ACTR1B: variants seen among roughly 807,000 people sequenced by gnomAD.
ACTR1B encodes beta-centractin.
In ACTR1B, 34 loss-of-function variants were observed where a neutral mutation model predicts 49.4. That is an observed-to-expected ratio of 0.69 (90% CI 0.52 to 0.92). The LOEUF is 0.92. ACTR1B is among the 40% of genes least tolerant of loss of function. The pLI, the probability that ACTR1B is intolerant of heterozygous loss-of-function variation, is 0.00. For missense variants in ACTR1B, 471 were observed against 522.4 expected (o/e 0.90, Z 0.96); for synonymous variants, 207 against 207.8 (o/e 1.00, Z 0.03).
At chr2:97,660,673 G>A (rs369909921) in intron 2 of ACTR1B, 27 bp from the exon 3 acceptor site, 30 of 1,608,960 alleles carry the variant, frequency 1.9e-5, no homozygotes, top group Non-Finnish European at 2.6e-5. Flanking sequence ...CGTCAGCAAG[G>A]TGGGCAGGGA....
Position 97,659,301 on chromosome 2 carries a change from A to T in ACTR1B, c.315+51T>A. 1 of 1,611,280 alleles carries T rather than the reference A, an allele frequency of 6.2e-7. No individual in the cohort carries two copies. Among genetic ancestry groups the T allele is most frequent in the Non-Finnish European group, 8.5e-7 (1 of 1,178,954 alleles). The stretch of plus-strand genomic sequence containing the variant: ...CCCGGCGAGGAGGGACGCAGAGGAG[A>T]GGGGCATGGCCAGGAGAATGCAGAG... On this transcript the variant is annotated intron_variant, in intron 4 of 10. Transcript: ENST00000289228. The surrounding 1 kb of genome is among the most constrained non-coding windows in gnomAD (Gnocchi z 4.0).
intron 2 of ACTR1B, among the ~76,000 whole-genome samples, chr2:97,661,156 AG>A (rs1675003463): frequency 1.3e-5 from 2 of 152,248 alleles, no homozygotes; most frequent in Admixed American, 1.3e-4. Context: ...CTAAAGGCAA[AG>A]GAACCTCTAA....
Position 97,658,623 on chromosome 2 carries a change from G to A in ACTR1B, c.461C>T (p.Thr154Ile), listed in dbSNP as rs368765470. ...VLSLYATGRT[T>I]GVVLDSGDGV... ...GTCCCCTGAGTCTAGAACCACTCCTGTCGTGCGTCCTGTTGCGTACCTGTC... is the reference window on the plus strand; with the variant it reads ...GTCCCCTGAGTCTAGAACCACTCCTATCGTGCGTCCTGTTGCGTACCTGTC... The change falls in exon 6 of 11, where the codon ACA (threonine) becomes ATA (isoleucine). Residue 154 changes from threonine (T) to isoleucine (I), a missense_variant. Transcript: ENST00000289228. The surrounding 1 kb of genome is among the most constrained non-coding windows in gnomAD (Gnocchi z 5.9). 7.4e-6 allele frequency: 12 copies of A among 1,613,838 alleles called. No homozygotes were observed. Among genetic ancestry groups the A allele is most frequent in the African/African-American group, 1.3e-5 (1 of 74,868 alleles).
In ACTR1B at chr2:97,659,282, G is replaced by A. The variant is rs1674947244; in HGVS notation, c.315+70C>T. The stretch of plus-strand genomic sequence containing the variant: ...TAGAAGGGAAATGTGGGAGCCCGGC[G>A]AGGAGGGACGCAGAGGAGAGGGGCA... On this transcript the variant is annotated intron_variant, in intron 4 of 10. Transcript: ENST00000289228. This position sits in a 1 kb window ranked among gnomAD's most constrained non-coding sequence, Gnocchi z 4.0. 3 of 1,603,612 alleles carry A rather than the reference G, an allele frequency of 1.9e-6. No individual in the cohort carries two copies. The highest frequency in any genetic ancestry group is 1.7e-5 in the Admixed American group (1 of 59,642).
In ACTR1B at chr2:97,659,550, ACC is replaced by A; in HGVS notation, c.190-75_190-74del. 3 of 1,577,988 alleles carry A rather than the reference ACC, an allele frequency of 1.9e-6. No homozygotes were observed. Among genetic ancestry groups the A allele is most frequent in the Non-Finnish European group, 2.6e-6 (3 of 1,161,814 alleles). On this transcript the variant is annotated intron_variant, in intron 3 of 10. Transcript: ENST00000289228. This position sits in a 1 kb window ranked among gnomAD's most constrained non-coding sequence, Gnocchi z 4.0. The stretch of plus-strand genomic sequence containing the variant: ...CTGCTTTCCGCCCTCCTGGAAGCTG[ACC>A]CTCACCTGCCCTGACCAGAACCTCA...
In ACTR1B at chr2:97,658,221, T is replaced by TA. The variant is rs775439012; in HGVS notation, c.750+2dup. On this transcript the variant is annotated splice_region_variant and intron_variant, in intron 7 of 10. Coordinates refer to ENST00000289228, the MANE Select transcript of ACTR1B (RefSeq NM_005735.4). This position sits in a 1 kb window ranked among gnomAD's most constrained non-coding sequence, Gnocchi z 5.9. The stretch of plus-strand genomic sequence containing the variant: ...CACTCCAGTGCCAGGCCCGGCCACT[T>TA]ACATCAAGCGTGCTGCCGTCTGGCA... 1 of 1,614,098 alleles carries TA rather than the reference T, an allele frequency of 6.2e-7. No individual in the cohort carries two copies. Among genetic ancestry groups the TA allele is most frequent in the Non-Finnish European group, 8.5e-7 (1 of 1,180,032 alleles).
chr2:97,658,279 T>TAGAAGGTGGGTTGATGGA lies in ACTR1B; in HGVS notation c.694_695insTCCATCAACCCACCTTCT (p.Glu232delinsValHisGlnProThrPheTer), dbSNP rs1447864460. The TAGAAGGTGGGTTGATGGA allele has an allele frequency of 1.2e-6, 2 of 1,614,084 alleles. No individual in the cohort carries two copies. The highest frequency in any genetic ancestry group is 1.7e-6 in the Non-Finnish European group (2 of 1,180,026). On this transcript the variant is annotated stop_gained and protein_altering_variant, in exon 7 of 11. Transcript: ENST00000289228. LOFTEE classifies it high-confidence loss of function. The surrounding 1 kb of genome is among the most constrained non-coding windows in gnomAD (Gnocchi z 5.9). The stretch of plus-strand genomic sequence containing the variant: ...CTGCACCTTCTCCGTCTCCAGAGCC[T>TAGAAGGTGGGTTGATGGA]CATCCTTCTGTGGGTTGATGGACAG...
Position 97,661,913 on chromosome 2 carries a change from C to G in ACTR1B, c.82G>C (p.Asp28His), listed in dbSNP as rs1195261001. 6.3e-7 allele frequency: 1 copy of G among 1,597,278 alleles called. No individual in the cohort carries two copies. The highest frequency in any genetic ancestry group is 8.5e-7 in the Non-Finnish European group (1 of 1,170,642). The change falls in exon 2 of 11, where the codon GAC becomes CAC. Residue 28 changes from aspartate (D) to histidine (H), a missense_variant. Asp to His is a moderately conservative substitution (Grantham distance 81). Transcript: ENST00000289228. ...SGVIKAGFAG[D>H]QIPKYCFPNY... ...GGGAAACAGTATTTGGGAATCTGGT[C>G]TCCTGCAAAGCCAGCTTTAATCACC...
At position 97,657,498 on chromosome 2, in the gene ACTR1B, G is replaced by T. The variant is rs756433092; in HGVS notation, c.937C>A (p.Arg313=). 1 of 1,614,046 alleles carries T rather than the reference G, an allele frequency of 6.2e-7. No homozygotes were observed. Among genetic ancestry groups the T allele is most frequent in the African/African-American group, 1.3e-5 (1 of 74,932 alleles). The change falls in exon 9 of 11, where the codon CGA becomes AGA. Residue 313 remains arginine, a synonymous_variant. Coordinates refer to ENST00000289228, the MANE Select transcript of ACTR1B (RefSeq NM_005735.4). The stretch of plus-strand genomic sequence containing the variant: ...AGCTTCTTCACTTCACTGAGTAATC[G>T]GTCTCCGAAGCCTGTGAACACAAAG... ...GSTLFKGFGD[R]LLSEVKKLAP... is the part of the protein sequence containing the mutation.
Position 97,658,345 on chromosome 2 carries a change from A to AG in ACTR1B, c.658-30dup. 1 of 1,614,030 alleles carries AG rather than the reference A, an allele frequency of 6.2e-7. No homozygotes were observed. Among genetic ancestry groups the AG allele is most frequent in the Non-Finnish European group, 8.5e-7 (1 of 1,179,908 alleles). On this transcript the variant is annotated intron_variant, in intron 6 of 10. Coordinates refer to ENST00000289228, the MANE Select transcript of ACTR1B (RefSeq NM_005735.4). This position sits in a 1 kb window ranked among gnomAD's most constrained non-coding sequence, Gnocchi z 5.9. ...CGGGGACAGGGACACAGCCCTCAGA[A>AG]GGCTGCACCTGGGACACCTGTGCCT...
intron 9 of ACTR1B, 34 bp from the exon 10 acceptor site, chr2:97,657,226 T>C: frequency 6.2e-7 from 1 of 1,607,936 alleles, no homozygotes; most frequent in Non-Finnish European, 8.5e-7. Context: ...TAACTGTGGA[T>C]CCCCACCCAG....
chr2:97,662,753 C>T (rs1675054334), intron 1 of ACTR1B, among the ~76,000 whole-genome samples: 1 of 152,190 alleles, frequency 6.6e-6, no homozygotes, highest in Non-Finnish European at 1.5e-5. Context: ...CCCAAGGGGC[C>T]GAGCGGTAGC....
In ACTR1B at chr2:97,658,383, T is replaced by C. The variant is rs1559288767; in HGVS notation, c.657+44A>G. On this transcript the variant is annotated intron_variant, in intron 6 of 10. Transcript: ENST00000289228. The surrounding 1 kb of genome is among the most constrained non-coding windows in gnomAD (Gnocchi z 5.9). Reference sequence around the variant, plus strand: ...GACACCTGTGCCTTGGTGCCACCCTTTCCTCACCCCAGGTCGTGTCCACAC... The same window carrying C: ...GACACCTGTGCCTTGGTGCCACCCTCTCCTCACCCCAGGTCGTGTCCACAC... 2 of 1,613,536 alleles carry C rather than the reference T, an allele frequency of 1.2e-6. No individual in the cohort carries two copies. Among genetic ancestry groups the C allele is most frequent in the Middle Eastern group, 1.6e-4 (1 of 6,062 alleles).
rs12615489 is a variant in ACTR1B, at chr2:97,662,809, C to T, written c.49-863G>A. 3.3e-5 allele frequency among the ~76,000 whole-genome samples: 5 copies of T among 152,278 alleles called. No individual in the cohort carries two copies. The East Asian group carries it at 5.8e-4, about 18-fold the overall frequency. On this transcript the variant is annotated intron_variant, in intron 1 of 10. Transcript: ENST00000289228. Reference sequence around the variant, plus strand: ...TTGATTAGCCTATACGAGTTATTTGCACGTCAAGAAAGGAAGTAGCCTGCT... The same window carrying T: ...TTGATTAGCCTATACGAGTTATTTGTACGTCAAGAAAGGAAGTAGCCTGCT...
chr2:97,661,574 G>A (rs1194756909), intron 2 of ACTR1B, among the ~76,000 whole-genome samples: 2 of 152,204 alleles, frequency 1.3e-5, no homozygotes, highest in African/African-American at 4.8e-5. Flanking sequence ...CGAGTTTAGG[G>A]CTCCCCTCGG....
chr2:97,657,714 G>A (rs571633733), intron 8 of ACTR1B, among the ~76,000 whole-genome samples: 3 of 152,330 alleles, frequency 2.0e-5, no homozygotes, highest in Admixed American at 6.5e-5. Flanking sequence ...AGATGAAGCC[G>A]CACATGCTCC....
chr2:97,662,263 G>A (rs1203037128), intron 1 of ACTR1B, among the ~76,000 whole-genome samples: 1 of 152,248 alleles, frequency 6.6e-6, no homozygotes, highest in East Asian at 1.9e-4. Flanking sequence ...CTACCAACAA[G>A]GAGCTAGCCC....
rs1252023545 is a variant in ACTR1B at position 97,658,832 on chromosome 2, C to G, written c.440+47G>C. ...ACCCTGGTCATGGCAAGCAGGACGG[C>G]ACAGGGAGGACAGGACTCAGGGAGG... On this transcript the variant is annotated intron_variant, in intron 5 of 10. Coordinates refer to ENST00000289228, the MANE Select transcript of ACTR1B (RefSeq NM_005735.4). This position sits in a 1 kb window ranked among gnomAD's most constrained non-coding sequence, Gnocchi z 5.9. The G allele has an allele frequency of 7.4e-6, 12 of 1,612,954 alleles. No homozygotes were observed. The highest frequency in any genetic ancestry group is 1.0e-5 in the Non-Finnish European group (12 of 1,179,560).
chr2:97,657,586 G>T lies in ACTR1B; in HGVS notation c.926-77C>A, dbSNP rs1674878082. On this transcript the variant is annotated intron_variant, in intron 8 of 10. Transcript: ENST00000289228. ...GCTAGCTCCCGCACCCAGCCTTCAGGGCCCCCAGCTACTGCTGGTCCTCTA... is the reference window on the plus strand; with the variant it reads ...GCTAGCTCCCGCACCCAGCCTTCAGTGCCCCCAGCTACTGCTGGTCCTCTA... The T allele has an allele frequency of 1.3e-5, 19 of 1,441,806 alleles. No homozygotes were observed. The East Asian group carries it at 4.1e-4, about 31-fold the overall frequency. The allele number at this position is 1,441,806 out of a possible 1,614,324, so 89.3% of individuals were successfully genotyped here.
Sources: allele counts gnomAD v4.1 joint callset (sites outside exome capture counted in the v4.1 genomes callset), GRCh38; gene constraint gnomAD v4.1.1; non-coding constraint Gnocchi (gnomAD v3.1); transcripts MANE v1.5; gene names NCBI Gene and HGNC (gene_info 2026-07-23, HGNC 2026-07-21).